GET1: variants seen among roughly 807,000 people sequenced by gnomAD.
GET1 encodes the protein guided entry of tail-anchored proteins factor 1.
GET1 carries 20 observed loss-of-function variants against 22.6 expected under a neutral mutation model. That is an observed-to-expected ratio of 0.89 (90% CI 0.62 to 1.29). GET1 has a LOEUF of 1.29. Ranked by LOEUF, GET1 falls within the 50% of genes most tolerant of loss-of-function variation. The probability of loss-of-function intolerance (pLI) is 0.00; values close to 1 mark genes in which losing one functional copy is unlikely to be tolerated. For synonymous variants in GET1, 92 were observed against 83.8 expected, an observed-to-expected ratio of 1.10 and a Z score of -0.53; for missense variants, 209 against 219.9, an observed-to-expected ratio of 0.95 and a Z score of 0.31.
At chr21:39,383,929 C>T (rs1033223198) in intron 1 of GET1, among the ~76,000 whole-genome samples, 2 of 151,990 alleles carry the variant, frequency 1.3e-5, no homozygotes, top group South Asian at 2.1e-4. Flanking sequence ...TTAGTAGAGA[C>T]GGGGTTTTGC....
downstream of GET1, among the ~76,000 whole-genome samples, chr21:39,400,720 C>T (rs997896884): frequency 5.3e-5 from 8 of 152,074 alleles, no homozygotes; most frequent in Non-Finnish European, 1.2e-4. Context: ...TTGTGTGGGT[C>T]GGCTTTCCTG....
intron 1 of GET1, among the ~76,000 whole-genome samples, chr21:39,388,609 C>G (rs187175434): frequency 1.3e-5 from 2 of 152,336 alleles, no homozygotes; most frequent in East Asian, 3.9e-4. Context: ...CTCATTGTGT[C>G]TCATCCGCTG....
exon 5 of GET1, chr21:39,406,537 T>C (rs968675494): frequency 1.2e-6 from 2 of 1,611,832 alleles, no homozygotes; most frequent in Non-Finnish European, 1.7e-6. Context: ...TTCTTGGTCT[T>C]CTTTTTTGTC....
At chr21:39,406,224 C>G in exon 5 of GET1, 2 of 1,614,238 alleles carry the variant, frequency 1.2e-6, no homozygotes, top group Non-Finnish European at 1.7e-6. Flanking sequence ...TACTGAGATG[C>G]TTGCCTGTAC....
chr21:39,399,087 T>TA (rs1317023251), downstream of GET1, among the ~76,000 whole-genome samples: 1 of 151,172 alleles, frequency 6.6e-6, no homozygotes, highest in Non-Finnish European at 1.5e-5. Context: ...ATTCAGAAGA[T>TA]AGAGAAAGAG....
chr21:39,397,036 T>C lies in GET1; in HGVS notation c.*97T>C. The C allele has an allele frequency of 7.5e-7, 1 of 1,336,252 alleles. No individual in the cohort carries two copies. The highest frequency in any genetic ancestry group is 2.1e-5 in the Admixed American group (1 of 47,512). The allele number at this position is 1,336,252 out of a possible 1,614,324, so 82.8% of individuals were successfully genotyped here. On this transcript the variant is annotated 3_prime_UTR_variant, in exon 5 of 5. Transcript: ENST00000649170. ...TGTTTTGTTTTTTAAGAAACAAAAG[T>C]GCATAGTTTAGATTTTTTTTTTGTT...
chr21:39,417,871 T>C (rs910322585), intron 1 of GET1, among the ~76,000 whole-genome samples: 7 of 152,214 alleles, frequency 4.6e-5, no homozygotes, highest in Non-Finnish European at 7.3e-5. Context: ...GTTCACACCA[T>C]TCTCCTGCCT....
chr21:39,384,016 C>T (rs2037728318), intron 1 of GET1, among the ~76,000 whole-genome samples: 1 of 150,990 alleles, frequency 6.6e-6, no homozygotes, highest in Non-Finnish European at 1.5e-5. Context: ...ACTGGGATTA[C>T]AGGCGTGAGC....
downstream of GET1, among the ~76,000 whole-genome samples, chr21:39,398,349 C>T (rs372268041): frequency 6.6e-6 from 1 of 152,196 alleles, no homozygotes; most frequent in South Asian, 2.1e-4. Context: ...GTCAACAGTG[C>T]ACCGGCCATG....
At chr21:39,422,824 C>T in intron 1 of GET1, 1 of 711,608 alleles carries the variant, frequency 1.4e-6, no homozygotes. Context: ...CCTTTCTGTG[C>T]CCTCTATTAG....
At chr21:39,421,101 G>GTTT (rs200770360) in intron 1 of GET1, among the ~76,000 whole-genome samples, 4 of 125,410 alleles carry the variant, frequency 3.2e-5, no homozygotes, top group East Asian at 2.2e-4. Context: ...TTAACAATTC[G>GTTT]TTTTTTTTTT....
exon 5 of GET1, chr21:39,406,487 G>T: frequency 1.2e-6 from 2 of 1,613,664 alleles, no homozygotes; most frequent in Non-Finnish European, 8.5e-7. Context: ...ATTATTTTTG[G>T]TGGTAGTTCT....
At chr21:39,403,537 G>A (rs952417735) in intron 4 of GET1, among the ~76,000 whole-genome samples, 6 of 126,344 alleles carry the variant, frequency 4.7e-5, no homozygotes, top group East Asian at 4.0e-4. Flanking sequence ...GTGTTAGCCA[G>A]GATGGTCTCG....
chr21:39,382,432 C>A (rs1190739687), intron 1 of GET1, among the ~76,000 whole-genome samples: 1 of 152,234 alleles, frequency 6.6e-6, no homozygotes, highest in African/African-American at 2.4e-5. Context: ...TCCTACCTCT[C>A]CCTGGCAATC....
intron 1 of GET1, among the ~76,000 whole-genome samples, chr21:39,424,302 T>C (rs1007969095): frequency 1.3e-5 from 2 of 152,082 alleles, no homozygotes; most frequent in Non-Finnish European, 2.9e-5. Flanking sequence ...GTGGGAGCCA[T>C]TGTGCCCGGC....
intron 4 of GET1, among the ~76,000 whole-genome samples, chr21:39,403,520 G>GT (rs199857428): frequency 0.024 from 3,450 of 145,252 alleles, 127 homozygotes; most frequent in African/African-American, 0.084. Flanking sequence ...TAGAGACGGG[G>GT]TTCACCGTGT....
intron 1 of GET1, chr21:39,387,751 C>T: frequency 2.0e-6 from 2 of 981,594 alleles, no homozygotes; most frequent in Non-Finnish European, 2.4e-6. Flanking sequence ...CTGGGCGGGT[C>T]AGAAACCACG....
At chr21:39,402,087 C>A (rs2038854385), downstream of GET1, among the ~76,000 whole-genome samples, 1 of 151,900 alleles carries the variant, frequency 6.6e-6, no homozygotes, top group African/African-American at 2.4e-5. Flanking sequence ...TTCGTGCTAG[C>A]TTTTATTTTA....
chr21:39,388,222 G>C (rs2038054681), intron 1 of GET1, among the ~76,000 whole-genome samples: 1 of 152,092 alleles, frequency 6.6e-6, no homozygotes, highest in African/African-American at 2.4e-5. Context: ...AAAAAAATTA[G>C]TCGAGTGTGG....
Sources: allele counts gnomAD v4.1 joint callset (sites outside exome capture counted in the v4.1 genomes callset), GRCh38; gene constraint gnomAD v4.1.1; transcripts MANE v1.5; gene names NCBI Gene and HGNC (gene_info 2026-07-23, HGNC 2026-07-21).